The following ZMYM4 variants were observed in gnomAD, a reference collection of about 807,000 sequenced individuals.
ZMYM4 encodes zinc finger MYM-type protein 4.
Under a neutral mutation model 183.2 loss-of-function variants are expected in ZMYM4, and 31 were observed. The ratio of observed to expected loss-of-function variants is 0.17; its 90% CI spans 0.13 to 0.23. ZMYM4 has a LOEUF of 0.23. Ranked by LOEUF, ZMYM4 falls within the 10% of genes least tolerant of loss-of-function variation. ZMYM4 has a pLI of 1.00. For missense variants in ZMYM4, 1,273 were observed against 1,840.3 expected (o/e 0.69, Z 5.64); for synonymous variants, 592 against 631.2 (o/e 0.94, Z 0.93).
At chr1:35,370,726 CCT>C (rs1491385621) in intron 7 of ZMYM4, 99 bp downstream of exon 7, 18 of 630,348 alleles carry the variant, frequency 2.9e-5, no homozygotes, top group Non-Finnish European at 3.1e-5. Flanking sequence ...TACATTTATT[CCT>C]TTTTTTTTTT....
At chr1:35,403,777 C>T (rs529310214) in intron 23 of ZMYM4, among the ~76,000 whole-genome samples, 5 of 146,452 alleles carry the variant, frequency 3.4e-5, no homozygotes, top group Non-Finnish European at 5.9e-5. Flanking sequence ...ATTTCTTTAA[C>T]TATGATAGAA....
At chr1:35,299,296 C>CTTGG (rs1641163563) in intron 1 of ZMYM4, among the ~76,000 whole-genome samples, 1 of 152,072 alleles carries the variant, frequency 6.6e-6, no homozygotes, top group Non-Finnish European at 1.5e-5. Flanking sequence ...TGTTCAGGTT[C>CTTGG]TTGGCGTCTT....
chr1:35,347,663 T>C (rs1337929625), intron 2 of ZMYM4, among the ~76,000 whole-genome samples: 1 of 152,152 alleles, frequency 6.6e-6, no homozygotes, highest in Non-Finnish European at 1.5e-5. Flanking sequence ...GATTTTTGTT[T>C]TATAAGTAAC....
intron 26 of ZMYM4, among the ~76,000 whole-genome samples, chr1:35,410,218 C>T (rs1363243338): frequency 6.6e-6 from 1 of 152,090 alleles, no homozygotes; most frequent in Non-Finnish European, 1.5e-5. Flanking sequence ...GAGATCAGGG[C>T]CCCACTGCCA....
intron 2 of ZMYM4, among the ~76,000 whole-genome samples, chr1:35,334,090 C>T (rs1570375198): frequency 1.3e-5 from 2 of 149,524 alleles, no homozygotes; most frequent in African/African-American, 2.5e-5. Flanking sequence ...CTGAGGTGGG[C>T]GGATCGCTTG....
rs979547308 is a variant in ZMYM4, at chr1:35,349,776, G to A, written c.86-9149G>A. 1.0e-3 allele frequency among the ~76,000 whole-genome samples: 153 copies of A among 150,362 alleles called. 1 individual carries two copies. The highest frequency in any genetic ancestry group is 3.6e-3 in the African/African-American group (149 of 40,852). ...ACCCGGGCAGTGGAAGTTGCAGTGA[G>A]CTGAGATCATACCACTGCACTCCAG... On this transcript the variant is annotated intron_variant, in intron 2 of 29. Coordinates refer to ENST00000314607, the MANE Select transcript of ZMYM4 (RefSeq NM_005095.3).
chr1:35,337,900 C>A (rs1643043460), intron 2 of ZMYM4, among the ~76,000 whole-genome samples: 1 of 152,130 alleles, frequency 6.6e-6, no homozygotes, highest in African/African-American at 2.4e-5. Context: ...GATTGCACAA[C>A]TGCACTCCAG....
chr1:35,310,713 G>A (rs1270368410), intron 1 of ZMYM4, among the ~76,000 whole-genome samples: 1 of 151,862 alleles, frequency 6.6e-6, no homozygotes, highest in Non-Finnish European at 1.5e-5. Context: ...CGAGTAGCTG[G>A]GATTACAGGC....
chr1:35,276,574 T>C (rs1639888077), intron 1 of ZMYM4, among the ~76,000 whole-genome samples: 2 of 152,310 alleles, frequency 1.3e-5, no homozygotes, highest in South Asian at 4.1e-4. Flanking sequence ...TATATGTTTC[T>C]TAAGTTTTTC....
At position 35,421,947 on chromosome 1, in the gene ZMYM4, G is replaced by A. The variant is rs971486802; in HGVS notation, c.*2270G>A. 3 of 151,958 alleles carry A rather than the reference G, an allele frequency of 2.0e-5. No individual in the cohort carries two copies. The highest frequency in any genetic ancestry group is 7.3e-5 in the African/African-American group (3 of 41,378). The allele number at this position is 151,958 out of a possible 1,614,324, so 9.4% of individuals were successfully genotyped here. ...TAAAATAGTATATTTGTATTTGATG[G>A]GTGAGTTCTTCTTCTTTACGTCTTA... On this transcript the variant is annotated 3_prime_UTR_variant, in exon 30 of 30. Transcript: ENST00000314607.
chr1:35,338,118 A>G (rs1267523455), intron 2 of ZMYM4, among the ~76,000 whole-genome samples: 2 of 152,174 alleles, frequency 1.3e-5, no homozygotes, highest in African/African-American at 4.8e-5. Context: ...CTCTTGGGCT[A>G]TACAGAAACA....
chr1:35,317,794 C>T (rs571468966), intron 1 of ZMYM4, among the ~76,000 whole-genome samples: 1 of 152,262 alleles, frequency 6.6e-6, no homozygotes, highest in East Asian at 1.9e-4. Flanking sequence ...TGCAGCCCAT[C>T]ATTAACTTAT....
intron 1 of ZMYM4, among the ~76,000 whole-genome samples, chr1:35,320,940 A>G (rs532396766): frequency 6.6e-6 from 1 of 152,280 alleles, no homozygotes; most frequent in East Asian, 1.9e-4. Flanking sequence ...TTCTATTGAA[A>G]GAAACTAACT....
At chr1:35,369,701 A>G (rs916179181) in intron 5 of ZMYM4, among the ~76,000 whole-genome samples, 6 of 152,084 alleles carry the variant, frequency 3.9e-5, no homozygotes, top group Non-Finnish European at 7.4e-5. Flanking sequence ...TAAATTTTCT[A>G]TAGTGATTGT....
intron 2 of ZMYM4, among the ~76,000 whole-genome samples, chr1:35,333,990 A>T (rs11264137): frequency 0.065 from 9,870 of 151,804 alleles, 933 homozygotes; most frequent in East Asian, 0.44. Context: ...TAAGTTGGTC[A>T]TTTTATATAT....
intron 1 of ZMYM4, among the ~76,000 whole-genome samples, chr1:35,313,432 A>T (rs1570327980): frequency 7.5e-6 from 1 of 133,976 alleles, no homozygotes; most frequent in East Asian, 2.1e-4. Flanking sequence ...TCTGTAGCCC[A>T]AGCTGCAGTG....
chr1:35,371,639 A>G (rs149370536), intron 7 of ZMYM4, among the ~76,000 whole-genome samples: 2 of 152,324 alleles, frequency 1.3e-5, no homozygotes, highest in African/African-American at 4.8e-5. Context: ...TACTCAAACC[A>G]TGATTCATTT....
chr1:35,351,049 A>G (rs775013824), intron 2 of ZMYM4: 66 of 857,666 alleles, frequency 7.7e-5, no homozygotes, highest in East Asian at 9.7e-5. Flanking sequence ...AGCCTTCTCA[A>G]TAGGTTTGGC....
At chr1:35,345,299 C>G (rs1362887741) in intron 2 of ZMYM4, among the ~76,000 whole-genome samples, 1 of 152,116 alleles carries the variant, frequency 6.6e-6, no homozygotes, top group Non-Finnish European at 1.5e-5. Flanking sequence ...GTTAATCATT[C>G]TTATGTATTG....
Sources: gnomAD v4.1 joint callset for allele counts (sites outside exome capture counted in the v4.1 genomes callset) on GRCh38, gnomAD v4.1.1 for gene constraint, MANE v1.5 for transcripts, NCBI Gene and HGNC (gene_info 2026-07-23, HGNC 2026-07-21) for gene names.